The following PIR variants were observed in gnomAD, a reference collection of about 807,000 sequenced individuals.
The protein encoded by PIR is pirin.
A neutral mutation model predicts 24.2 loss-of-function variants in PIR; 22 were observed. The ratio of observed to expected loss-of-function variants is 0.91; its 90% CI spans 0.65 to 1.30. PIR has a LOEUF of 1.30. PIR is among the 50% of genes most tolerant of loss of function. The pLI, the probability that PIR is intolerant of heterozygous loss-of-function variation, is 0.00. For synonymous variants in PIR, 80 were observed against 79.6 expected (o/e 1.00, Z -0.03); for missense variants, 220 against 220.3 (o/e 1.00, Z 0.01).
rs761150170 is a variant in PIR at position 15,384,981 on chromosome X, A to G, written c.*23T>C. On this transcript the variant is annotated 3_prime_UTR_variant, in exon 10 of 10. Transcript: ENST00000380420. ...AAATGGCAAAATTCTAGGACACATC[A>G]AGACCTGCTCTTCCGCTTTCCACTA... 2.8e-5 allele frequency: 25 copies of G among 895,642 alleles called. No homozygotes were observed. The South Asian group carries it at 4.6e-4, about 17-fold the overall frequency. 73.8% of individuals were successfully genotyped at this position (895,642 alleles called of 1,213,427 possible).
intron 5 of PIR, among the ~76,000 whole-genome samples, chrX:15,436,128 AC>A (rs1343283715): frequency 6.2e-5 from 7 of 112,460 alleles, no homozygotes; most frequent in Non-Finnish European, 9.4e-5. Flanking sequence ...GGCCAAAAAA[AC>A]ATTTTTAACT....
At chrX:15,417,939 G>A (rs762972896) in intron 6 of PIR, among the ~76,000 whole-genome samples, 6 of 111,634 alleles carry the variant, frequency 5.4e-5, no homozygotes, top group Non-Finnish European at 9.4e-5. Context: ...CTGCAAAGTC[G>A]TTTTTGCCAT....
chrX:15,492,843 T>C (rs1301416305), intron 1 of PIR, among the ~76,000 whole-genome samples: 1 of 111,591 alleles, frequency 9.0e-6, no homozygotes, highest in African/African-American at 3.3e-5. Flanking sequence ...GGGTGATAGG[T>C]TGCAAGGCGC....
intron 4 of PIR, among the ~76,000 whole-genome samples, chrX:15,456,316 C>A (rs941007628): frequency 8.9e-6 from 1 of 112,189 alleles, no homozygotes; most frequent in African/African-American, 3.2e-5. Context: ...TCTTTGACTT[C>A]CCTGAGTCTT....
chrX:15,462,597 C>T (rs1461920801), intron 3 of PIR, among the ~76,000 whole-genome samples: 4 of 112,167 alleles, frequency 3.6e-5, no homozygotes, highest in Non-Finnish European at 7.5e-5. Context: ...TCGAATAAGT[C>T]AAAGCCAGAT....
intron 2 of PIR, among the ~76,000 whole-genome samples, chrX:15,483,174 T>TATATATATATATAG (rs955424390): frequency 8.1e-5 from 8 of 98,745 alleles, no homozygotes; most frequent in African/African-American, 3.0e-4. Context: ...CATATATATA[T>TATATATATATATAG]AAATTCAACA....
chrX:15,386,866 C>T (rs921850072), intron 9 of PIR, among the ~76,000 whole-genome samples: 1 of 109,828 alleles, frequency 9.1e-6, no homozygotes, highest in Non-Finnish European at 1.9e-5. Flanking sequence ...TTATGAATCA[C>T]TGTAAGGTTA....
At position 15,493,291 on chromosome X, in the gene PIR, C is replaced by G. The variant is rs1366361300; in HGVS notation, c.-154G>C. 3.6e-5 allele frequency: 4 copies of G among 111,707 alleles called. No individual in the cohort carries two copies. The highest frequency in any genetic ancestry group is 1.3e-4 in the African/African-American group (4 of 30,644). The allele number at this position is 111,707 out of a possible 1,213,427, so 9.2% of individuals were successfully genotyped here. A position where few individuals can be genotyped will look rare whatever the true frequency, so the allele number is the denominator to read the frequency against. Reference sequence around the variant, plus strand: ...GGTTAAGAGAGTGTGGGTCCAGTAGCCTCACCGTGACTCAGCGCTTCGCGG... The same window carrying G: ...GGTTAAGAGAGTGTGGGTCCAGTAGGCTCACCGTGACTCAGCGCTTCGCGG... On this transcript the variant is annotated 5_prime_UTR_variant, in exon 1 of 10. Coordinates refer to ENST00000380420, the MANE Select transcript of PIR (RefSeq NM_001018109.3).
chrX:15,415,740 A>T (rs1000622278), intron 6 of PIR, among the ~76,000 whole-genome samples: 13 of 111,919 alleles, frequency 1.2e-4, no homozygotes, highest in East Asian at 8.3e-4. Flanking sequence ...TACAAGATAA[A>T]TACGTACAAT....
At chrX:15,422,941 A>T (rs1925185137) in intron 6 of PIR, among the ~76,000 whole-genome samples, 1 of 112,011 alleles carries the variant, frequency 8.9e-6, no homozygotes, top group African/African-American at 3.2e-5. Context: ...TATAGTAATC[A>T]AATCAGCATG....
chrX:15,432,373 G>T (rs4830952), intron 5 of PIR, among the ~76,000 whole-genome samples: 13 of 111,957 alleles, frequency 1.2e-4, no homozygotes, highest in Non-Finnish European at 1.9e-5. Context: ...GTACTTGCTA[G>T]AAAAGAAATA....
Position 15,393,417 on chromosome X carries a change from G to C in PIR, c.694-3166C>G, listed in dbSNP as rs577782889. Among the ~76,000 whole-genome samples, 8 of 111,548 alleles carry C rather than the reference G, an allele frequency of 7.2e-5. 1 individual carries two copies. Among genetic ancestry groups the C allele is most frequent in the Admixed American group, 2.9e-4 (3 of 10,476 alleles). On this transcript the variant is annotated intron_variant, in intron 8 of 9. Coordinates refer to ENST00000380420, the MANE Select transcript of PIR (RefSeq NM_001018109.3). ...GATCAACTATAAATATAAAACTCAA[G>C]ATGGCAGTAGGACTCTGAGTATGAA...
In PIR at chrX:15,391,323, G is replaced by C. The variant is rs532713404; in HGVS notation, c.694-1072C>G. Among the ~76,000 whole-genome samples the C allele has an allele frequency of 1.6e-4, 18 of 111,560 alleles. No homozygotes were observed. In the East Asian group the frequency reaches 5.0e-3, roughly 31 times the overall value. ...TTTATTTTCTTCTTTATGCTTTTCT[G>C]TATTATTTTCAAATTGCTACAAAAA... On this transcript the variant is annotated intron_variant, in intron 8 of 9. Coordinates refer to ENST00000380420, the MANE Select transcript of PIR (RefSeq NM_001018109.3).
chrX:15,394,676 T>C (rs781755071), intron 8 of PIR, among the ~76,000 whole-genome samples: 7 of 111,736 alleles, frequency 6.3e-5, no homozygotes, highest in Non-Finnish European at 1.3e-4. Flanking sequence ...CAGAGTACCA[T>C]CAGTAGGTCA....
chrX:15,409,451 A>G (rs1313043779), intron 6 of PIR, among the ~76,000 whole-genome samples: 2 of 110,746 alleles, frequency 1.8e-5, no homozygotes, highest in Non-Finnish European at 3.8e-5. Flanking sequence ...AACATCTACC[A>G]TGGGCATGTA....
chrX:15,419,143 G>A (rs1925026293), intron 6 of PIR, among the ~76,000 whole-genome samples: 1 of 111,127 alleles, frequency 9.0e-6, no homozygotes, highest in Non-Finnish European at 1.9e-5. Flanking sequence ...AAGACAAATG[G>A]TGACCTTGAT....
intron 1 of PIR, among the ~76,000 whole-genome samples, chrX:15,492,597 C>T (rs1406447930): frequency 8.9e-6 from 1 of 111,953 alleles, no homozygotes; most frequent in Non-Finnish European, 1.9e-5. Context: ...AACCAGACAG[C>T]CTAGGTTTGC....
chrX:15,445,552 A>G (rs1035023447), intron 5 of PIR, among the ~76,000 whole-genome samples: 2 of 112,158 alleles, frequency 1.8e-5, no homozygotes, highest in African/African-American at 6.5e-5. Context: ...AAAAAATAAA[A>G]CAAAGAGAGC....
intron 3 of PIR, among the ~76,000 whole-genome samples, chrX:15,475,028 A>G (rs1922118295): frequency 9.1e-6 from 1 of 109,512 alleles, no homozygotes. Context: ...TCCAAAATGG[A>G]TGTTGAATTT....
Sources: gnomAD v4.1 joint callset for allele counts (sites outside exome capture counted in the v4.1 genomes callset) on GRCh38, gnomAD v4.1.1 for gene constraint, MANE v1.5 for transcripts, NCBI Gene and HGNC (gene_info 2026-07-23, HGNC 2026-07-21) for gene names.